RALGPS1: variants seen among roughly 807,000 people sequenced by gnomAD.
RALGPS1 encodes the protein Ral GEF with PH domain and SH3 binding motif 1, also known as ras-specific guanine nucleotide-releasing factor RalGPS1.
A neutral mutation model predicts 78.8 loss-of-function variants in RALGPS1; 19 were observed. The observed-to-expected ratio is 0.24, with a 90% CI of 0.17 to 0.35. The LOEUF is 0.35. Ranked by LOEUF, RALGPS1 falls within the 10% of genes least tolerant of loss-of-function variation. RALGPS1 has a pLI of 1.00. For missense variants in RALGPS1, 454 were observed against 688.3 expected (o/e 0.66, Z 3.81); for synonymous variants, 228 against 256.3 (o/e 0.89, Z 1.06).
At chr9:127,082,477 A>G (rs1291787543) in intron 8 of RALGPS1, among the ~76,000 whole-genome samples, 3 of 152,134 alleles carry the variant, frequency 2.0e-5, no homozygotes, top group African/African-American at 7.2e-5. Context: ...GCTACCTGAC[A>G]TATCCACTCC....
chr9:127,184,032 A>T, intron 11 of RALGPS1: 1 of 1,548,920 alleles, frequency 6.5e-7, no homozygotes, highest in Non-Finnish European at 8.7e-7. Context: ...AATCTAAGAA[A>T]TGATCAAGGT....
At chr9:126,936,643 G>A (rs998247193) in intron 1 of RALGPS1, among the ~76,000 whole-genome samples, 10 of 152,012 alleles carry the variant, frequency 6.6e-5, no homozygotes, top group Non-Finnish European at 1.5e-4. Flanking sequence ...AAAGGGAGAG[G>A]GCCCCAAGTC....
chr9:127,150,979 C>T (rs1261207924), intron 8 of RALGPS1, among the ~76,000 whole-genome samples: 1 of 152,006 alleles, frequency 6.6e-6, no homozygotes, highest in African/African-American at 2.4e-5. Flanking sequence ...CTCAGGAAAT[C>T]GAGACCATCC....
At chr9:127,029,823 A>G (rs1461002442) in intron 4 of RALGPS1, among the ~76,000 whole-genome samples, 1 of 152,080 alleles carries the variant, frequency 6.6e-6, no homozygotes, top group Admixed American at 6.6e-5. Flanking sequence ...GTCTCAGCTC[A>G]CCTCAAGGCG....
At chr9:127,008,553 TC>T (rs2044065988) in intron 4 of RALGPS1, among the ~76,000 whole-genome samples, 1 of 151,942 alleles carries the variant, frequency 6.6e-6, no homozygotes, top group Non-Finnish European at 1.5e-5. Flanking sequence ...TTAGATTAGA[TC>T]CCTAGTTGCC....
intron 8 of RALGPS1, among the ~76,000 whole-genome samples, chr9:127,131,239 C>G (rs1300059218): frequency 6.6e-6 from 1 of 152,180 alleles, no homozygotes; most frequent in Non-Finnish European, 1.5e-5. Flanking sequence ...GCTGAGATTC[C>G]AGAAAGCTGA....
At chr9:126,935,773 G>T (rs1473444676) in intron 1 of RALGPS1, among the ~76,000 whole-genome samples, 1 of 152,232 alleles carries the variant, frequency 6.6e-6, no homozygotes. Flanking sequence ...TCTCAGAGAT[G>T]AGTAATTTCT....
At chr9:126,977,622 ACT>A (rs1159406511) in intron 3 of RALGPS1, 71 bp from the exon 4 acceptor site, 1 of 1,069,178 alleles carries the variant, frequency 9.4e-7, no homozygotes, top group Non-Finnish European at 1.4e-6. Flanking sequence ...AGTGTATATG[ACT>A]CTGTATAAAG....
At chr9:126,970,468 A>C (rs550106248) in intron 3 of RALGPS1, among the ~76,000 whole-genome samples, 2 of 152,290 alleles carry the variant, frequency 1.3e-5, no homozygotes, top group South Asian at 4.1e-4. Context: ...AGTAGAAGGG[A>C]TCTGTGGAAT....
chr9:127,056,715 C>A (rs1003731933), intron 7 of RALGPS1, among the ~76,000 whole-genome samples: 2 of 152,224 alleles, frequency 1.3e-5, no homozygotes, highest in Non-Finnish European at 2.9e-5. Flanking sequence ...CTGCCTCCCC[C>A]TTTTGACTGC....
At chr9:126,969,876 T>C (rs2039931203) in intron 3 of RALGPS1, among the ~76,000 whole-genome samples, 1 of 152,184 alleles carries the variant, frequency 6.6e-6, no homozygotes, top group Non-Finnish European at 1.5e-5. Flanking sequence ...AATGCAGTGC[T>C]AAAACTTTGG....
chr9:126,952,147 G>T (rs485047), intron 1 of RALGPS1, among the ~76,000 whole-genome samples: 1 of 152,074 alleles, frequency 6.6e-6, no homozygotes, highest in Admixed American at 6.6e-5. Flanking sequence ...AAGTTCTATC[G>T]CTTGTTCCTA....
chr9:127,120,749 A>G (rs1221643311), intron 8 of RALGPS1, among the ~76,000 whole-genome samples: 1 of 151,492 alleles, frequency 6.6e-6, no homozygotes, highest in Non-Finnish European at 1.5e-5. Flanking sequence ...AATGGCGTGA[A>G]CCCAGCAGGC....
At chr9:127,094,386 G>T (rs566953616) in intron 8 of RALGPS1, among the ~76,000 whole-genome samples, 1 of 150,332 alleles carries the variant, frequency 6.7e-6, no homozygotes, top group Non-Finnish European at 1.5e-5. Flanking sequence ...TGATGGCTTT[G>T]CTTCTGCAAG....
chr9:127,030,646 G>T (rs532491992), intron 4 of RALGPS1, among the ~76,000 whole-genome samples: 2 of 151,934 alleles, frequency 1.3e-5, no homozygotes, highest in Non-Finnish European at 2.9e-5. Flanking sequence ...GTTTTTTATT[G>T]TTATTAATAT....
At chr9:127,154,617 G>T (rs1054497194) in intron 8 of RALGPS1, among the ~76,000 whole-genome samples, 2 of 152,218 alleles carry the variant, frequency 1.3e-5, no homozygotes, top group South Asian at 4.1e-4. Context: ...TCCAGAGAAT[G>T]CAGGGATTGA....
At chr9:127,049,960 T>C (rs1416715086) in intron 5 of RALGPS1, 83 bp from the exon 6 acceptor site, 3 of 989,948 alleles carry the variant, frequency 3.0e-6, no homozygotes, top group Non-Finnish European at 4.9e-6. Context: ...ATAACAGCGG[T>C]GGGCAAGGGG....
intron 14 of RALGPS1, among the ~76,000 whole-genome samples, chr9:127,201,680 A>T (rs1400696683): frequency 4.6e-5 from 7 of 151,846 alleles, no homozygotes; most frequent in Non-Finnish European, 1.0e-4. Context: ...CCTGACCTTC[A>T]TGGGCCCGAT....
At chr9:127,193,709 C>G (rs550564502) in intron 11 of RALGPS1, among the ~76,000 whole-genome samples, 12 of 152,270 alleles carry the variant, frequency 7.9e-5, no homozygotes, top group African/African-American at 2.6e-4. Flanking sequence ...GTTGGAGGAC[C>G]TGGAGGTCTG....
Sources: allele counts gnomAD v4.1 joint callset (sites outside exome capture counted in the v4.1 genomes callset), GRCh38; gene constraint gnomAD v4.1.1; transcripts MANE v1.5; gene names NCBI Gene and HGNC (gene_info 2026-07-23, HGNC 2026-07-21).